The following ACOX2 variants were observed in gnomAD, a reference collection of about 807,000 sequenced individuals.
The protein encoded by ACOX2 is peroxisomal acyl-coenzyme A oxidase 2.
Under a neutral mutation model 77.5 loss-of-function variants are expected in ACOX2, and 59 were observed. That is an observed-to-expected ratio of 0.76 (90% confidence interval 0.62 to 0.95). The LOEUF (loss-of-function observed/expected upper bound fraction) is 0.95, where lower values mean the gene tolerates loss of function less well. Ranked by LOEUF, ACOX2 falls within the 40% of genes least tolerant of loss-of-function variation. The probability of loss-of-function intolerance (pLI) is 0.00; values close to 1 mark genes in which losing one functional copy is unlikely to be tolerated. For synonymous variants in ACOX2, 317 were observed against 340.1 expected (o/e 0.93, Z 0.75); for missense variants, 837 against 880.4 (o/e 0.95, Z 0.62).
intron 12 of ACOX2, among the ~76,000 whole-genome samples, chr3:58,520,360 A>G (rs2063350442): frequency 6.6e-6 from 1 of 152,242 alleles, no homozygotes; most frequent in African/African-American, 2.4e-5. Flanking sequence ...CTGAGGCTGG[A>G]TTATAATGAG....
Position 58,528,989 on chromosome 3 carries a change from C to T in ACOX2, c.993-33G>A, listed in dbSNP as rs771638977. On this transcript the variant is annotated intron_variant, in intron 8 of 14. Transcript: ENST00000302819. The surrounding 1 kb of genome is among the most constrained non-coding windows in gnomAD (Gnocchi z 5.6). ...GAAAAGAACCAGAAGATTTAGATCA[C>T]TACCTGTTGTGTCCACCTTCCCCTA... 8 of 1,564,846 alleles carry T rather than the reference C, an allele frequency of 5.1e-6. No individual in the cohort carries two copies. The highest frequency in any genetic ancestry group is 6.9e-6 in the Non-Finnish European group (8 of 1,153,410).
chr3:58,532,567 G>C (rs1475751904), intron 5 of ACOX2, among the ~76,000 whole-genome samples: 1 of 152,000 alleles, frequency 6.6e-6, no homozygotes, highest in Non-Finnish European at 1.5e-5. Flanking sequence ...TGTATTTTTA[G>C]TAGAGATGAG....
rs75865870 is a variant in ACOX2, at chr3:58,533,663, C to T, written c.476-111G>A. The T allele has an allele frequency of 4.4e-6, 4 of 909,760 alleles. No individual in the cohort carries two copies. Among genetic ancestry groups the T allele is most frequent in the East Asian group, 5.1e-5 (2 of 39,552 alleles). The allele number at this position is 909,760 out of a possible 1,614,324, so 56.4% of individuals were successfully genotyped here. A position where few individuals can be genotyped will look rare whatever the true frequency, so the allele number is the denominator to read the frequency against. Reference sequence around the variant, plus strand: ...GGCATCAGCGCAGTATGGAGTGGGGCCCAGCTCCCAGCTGTACTTGCAGGC... The same window carrying T: ...GGCATCAGCGCAGTATGGAGTGGGGTCCAGCTCCCAGCTGTACTTGCAGGC... On this transcript the variant is annotated intron_variant, in intron 4 of 14. Transcript: ENST00000302819. This position sits in a 1 kb window ranked among gnomAD's most constrained non-coding sequence, Gnocchi z 5.6.
Position 58,525,693 on chromosome 3 carries a change from G to A in ACOX2, c.1346+773C>T, listed in dbSNP as rs1171360357. Among the ~76,000 whole-genome samples the A allele has an allele frequency of 6.6e-6, 1 of 152,186 alleles. No homozygotes were observed. Among genetic ancestry groups the A allele is most frequent in the Non-Finnish European group, 1.5e-5 (1 of 68,046 alleles). ...GGGTGGGAGGGGATCAAATGCAAAG[G>A]CCTCCTGGACAGAAAGAAGTGTGTG... On this transcript the variant is annotated intron_variant, in intron 10 of 14. Coordinates refer to ENST00000302819, the MANE Select transcript of ACOX2 (RefSeq NM_003500.4). The surrounding 1 kb of genome is among the most constrained non-coding windows in gnomAD (Gnocchi z 5.0).
rs760929659 is a variant in ACOX2, at chr3:58,534,404, G to A, written c.279C>T (p.Arg93=). Residue 93 remains arginine, a synonymous_variant, in exon 3 of 15, where the codon CGC becomes CGT. Coordinates refer to ENST00000302819, the MANE Select transcript of ACOX2 (RefSeq NM_003500.4). This position sits in a 1 kb window ranked among gnomAD's most constrained non-coding sequence, Gnocchi z 4.8. ...RAFHIRLIAR[R]LGWLEDGREL... ...CACGACCATCTTCTAACCAACCCAG[G>A]CGCCGAGCTATCAACCGGATGTGGA... 5.0e-6 allele frequency: 8 copies of A among 1,614,064 alleles called. No individual in the cohort carries two copies. In the African/African-American group the frequency reaches 5.3e-5, roughly 11 times the overall value.
chr3:58,509,505 C>T (rs758592468), intron 13 of ACOX2, among the ~76,000 whole-genome samples: 5 of 151,126 alleles, frequency 3.3e-5, no homozygotes, highest in Non-Finnish European at 4.4e-5. Flanking sequence ...CCAGCCTGGG[C>T]GACAGAGTGA....
Position 58,524,537 on chromosome 3 carries a change from GGA to G in ACOX2, c.1413_1414del (p.Pro472IlefsTer9). Reference sequence around the variant, plus strand: ...AGGTGCGGTGAGATATGCGACAGATGGAGAGAGAGATCTCTGTGGCGTGGAGC... The same window carrying G: ...AGGTGCGGTGAGATATGCGACAGATGGAGAGAGATCTCTGTGGCGTGGAGC... On this transcript the variant is annotated frameshift_variant, in exon 11 of 15. Coordinates refer to ENST00000302819, the MANE Select transcript of ACOX2 (RefSeq NM_003500.4). LOFTEE classifies it high-confidence loss of function. This position sits in a 1 kb window ranked among gnomAD's most constrained non-coding sequence, Gnocchi z 5.5. 1.2e-6 allele frequency: 2 copies of G among 1,614,182 alleles called. No individual in the cohort carries two copies. Among genetic ancestry groups the G allele is most frequent in the Non-Finnish European group, 8.5e-7 (1 of 1,180,020 alleles).
rs979077537 is a variant in ACOX2, at chr3:58,533,029, G to A, written c.583+416C>T. ...GTGTCTGCAGCAGGGGCAGGCAGGC[G>A]TATTCTTTCCACTGTGTCATCACAG... On this transcript the variant is annotated intron_variant, in intron 5 of 14. Coordinates refer to ENST00000302819, the MANE Select transcript of ACOX2 (RefSeq NM_003500.4). The surrounding 1 kb of genome is among the most constrained non-coding windows in gnomAD (Gnocchi z 5.6). Among the ~76,000 whole-genome samples the A allele has an allele frequency of 2.6e-5, 4 of 152,138 alleles. No individual in the cohort carries two copies. Among genetic ancestry groups the A allele is most frequent in the Admixed American group, 1.3e-4 (2 of 15,280 alleles).
chr3:58,513,662 G>A (rs1016527334), intron 13 of ACOX2, among the ~76,000 whole-genome samples: 1 of 150,656 alleles, frequency 6.6e-6, no homozygotes, highest in African/African-American at 2.4e-5. Context: ...TCTTCTCCCT[G>A]TGGATTCTCT....
At chr3:58,510,658 AAAAAAATATATATATATATATATAT>A (rs2063274342) in intron 13 of ACOX2, among the ~76,000 whole-genome samples, 7 of 25,320 alleles carry the variant, frequency 2.8e-4, no homozygotes, top group African/African-American at 6.9e-4. Context: ...AAAAAAAAAA[AAAAAAATATATATATATATATATAT>A]ATATATATAT....
rs778158815 is a variant in ACOX2, at chr3:58,526,572, C to T, written c.1240G>A (p.Gly414Arg). The T allele has an allele frequency of 2.6e-5, 42 of 1,614,202 alleles. 1 individual carries two copies. The Middle Eastern group carries it at 5.0e-4, about 19-fold the overall frequency. ...CCACTCAGCTTTGAGTAGCCATGTC[C>T]GCCACAGGCCCTGCGGCACATCTCA... ...GAEMCRRACG[G>R]HGYSKLSGLP... The change falls in exon 10 of 15, where the codon GGA becomes AGA. Residue 414 changes from glycine to arginine, a missense_variant. Physicochemically the swap from Gly to Arg is moderately radical, Grantham distance 125 (BLOSUM62 -2). Coordinates refer to ENST00000302819, the MANE Select transcript of ACOX2 (RefSeq NM_003500.4). The surrounding 1 kb of genome is among the most constrained non-coding windows in gnomAD (Gnocchi z 4.3).
intron 13 of ACOX2, among the ~76,000 whole-genome samples, chr3:58,513,350 G>A (rs1191002235): frequency 6.6e-6 from 1 of 152,096 alleles, no homozygotes; most frequent in South Asian, 2.1e-4. Context: ...GCTTCCTTCT[G>A]TTTTCTCTGT....
Position 58,522,797 on chromosome 3 carries a change from CTG to C in ACOX2, c.1527-198_1527-197del, listed in dbSNP as rs1576994344. 6.6e-6 allele frequency among the ~76,000 whole-genome samples: 1 copy of C among 152,192 alleles called. No homozygotes were observed. Among genetic ancestry groups the C allele is most frequent in the Admixed American group, 6.5e-5 (1 of 15,280 alleles). ...ACCCCCCAGTTTGCAATGGGGAAAA[CTG>C]AGTCCCAGAGAGGTTAACCAATTTG... On this transcript the variant is annotated intron_variant, in intron 11 of 14. Transcript: ENST00000302819. The surrounding 1 kb of genome is among the most constrained non-coding windows in gnomAD (Gnocchi z 4.3).
In ACOX2 at chr3:58,525,035, T is replaced by C. The variant is rs2063384761; in HGVS notation, c.1347-430A>G. 6.6e-6 allele frequency among the ~76,000 whole-genome samples: 1 copy of C among 152,242 alleles called. No individual in the cohort carries two copies. The highest frequency in any genetic ancestry group is 2.1e-4 in the South Asian group (1 of 4,838). On this transcript the variant is annotated intron_variant, in intron 10 of 14. Coordinates refer to ENST00000302819, the MANE Select transcript of ACOX2 (RefSeq NM_003500.4). The surrounding 1 kb of genome is among the most constrained non-coding windows in gnomAD (Gnocchi z 5.0). ...GTGACTCTCAACTGCTGCTTTAGGA[T>C]AATCCAGTGGTTACAGGTTCTGGGC...
chr3:58,517,371 A>G lies in ACOX2; in HGVS notation c.1685T>C (p.Leu562Pro), dbSNP rs2063328931. ...VKGFTEALEK[L>P]ENEPAIQQVL... ...CTGCTGAATCGCTGGTTCATTTTCT[A>G]GTTTCTCCAGAGCTTCTGTAAAACC... Residue 562 changes from leucine (L) to proline (P), a missense_variant, in exon 13 of 15, where the codon CTA becomes CCA. By Grantham distance (98) the Leu-to-Pro change is moderately conservative. Transcript: ENST00000302819. The G allele has an allele frequency of 6.2e-7, 1 of 1,614,114 alleles. No individual in the cohort carries two copies. Among genetic ancestry groups the G allele is most frequent in the South Asian group, 1.1e-5 (1 of 91,070 alleles).
In ACOX2 at chr3:58,522,446, GC is replaced by G. The variant is rs1483618362; in HGVS notation, c.1632+49del. The G allele has an allele frequency of 6.4e-7, 1 of 1,568,900 alleles. No homozygotes were observed. Among genetic ancestry groups the G allele is most frequent in the East Asian group, 2.2e-5 (1 of 44,608 alleles). On this transcript the variant is annotated intron_variant, in intron 12 of 14. Coordinates refer to ENST00000302819, the MANE Select transcript of ACOX2 (RefSeq NM_003500.4). This position sits in a 1 kb window ranked among gnomAD's most constrained non-coding sequence, Gnocchi z 4.3. ...CCGGATTTTCCCAGCAGGGTAGCCT[GC>G]CTGGGAAGCAAAATGGATCCCTTTC...
chr3:58,527,198 T>C (rs1463834377), intron 9 of ACOX2, among the ~76,000 whole-genome samples: 1 of 151,944 alleles, frequency 6.6e-6, no homozygotes, highest in Non-Finnish European at 1.5e-5. Flanking sequence ...GGTAATTAAG[T>C]CATGAGGGTG....
Position 58,526,613 on chromosome 3 carries a change from A to G in ACOX2, c.1199T>C (p.Phe400Ser), listed in dbSNP as rs1277769402. 1 of 1,614,170 alleles carries G rather than the reference A, an allele frequency of 6.2e-7. No individual in the cohort carries two copies. The highest frequency in any genetic ancestry group is 2.2e-5 in the East Asian group (1 of 44,886). Residue 400 changes from phenylalanine (F) to serine (S), a missense_variant, in exon 10 of 15, where the codon TTC (phenylalanine) becomes TCC (serine). Phe to Ser is a radical substitution (Grantham distance 155). Transcript: ENST00000302819. This position sits in a 1 kb window ranked among gnomAD's most constrained non-coding sequence, Gnocchi z 4.3. ...GCACATCTCAGCTCCCTGGGTGCAG[A>G]ATTCTGACATCATGGCCTTCATGCC... ...STGMKAMMSE[F>S]CTQGAEMCRR...
rs2107981103 is a variant in ACOX2 at position 58,505,689 on chromosome 3, G to A, written c.1984-403C>T. On this transcript the variant is annotated intron_variant, in intron 14 of 14. Transcript: ENST00000302819. The surrounding 1 kb of genome is among the most constrained non-coding windows in gnomAD (Gnocchi z 4.4). Reference sequence around the variant, plus strand: ...TCATTATGCTGTAATTCAGTGTCTTGATTCTTTGTTTCTTAGTTCTAGTCT... The same window carrying A: ...TCATTATGCTGTAATTCAGTGTCTTAATTCTTTGTTTCTTAGTTCTAGTCT... 6.6e-6 allele frequency among the ~76,000 whole-genome samples: 1 copy of A among 152,176 alleles called. No individual in the cohort carries two copies. Among genetic ancestry groups the A allele is most frequent in the East Asian group, 1.9e-4 (1 of 5,182 alleles).
Sources: gnomAD v4.1 joint callset for allele counts (sites outside exome capture counted in the v4.1 genomes callset) on GRCh38, gnomAD v4.1.1 for gene constraint, Gnocchi (gnomAD v3.1) non-coding constraint, MANE v1.5 for transcripts, NCBI Gene and HGNC (gene_info 2026-07-23, HGNC 2026-07-21) for gene names.